The following SLC41A3 variants were observed in gnomAD, a reference collection of about 807,000 sequenced individuals.
SLC41A3 encodes the protein SLC41A1-like 2.
Under a neutral mutation model 45.4 loss-of-function variants are expected in SLC41A3, and 44 were observed. The observed-to-expected ratio is 0.97, with a 90% CI of 0.76 to 1.25. The LOEUF (loss-of-function observed/expected upper bound fraction) is 1.25, where lower values mean the gene tolerates loss of function less well. Ranked by LOEUF, SLC41A3 falls within the 50% of genes most tolerant of loss-of-function variation. The pLI is 0.00. For missense variants in SLC41A3, 550 were observed against 600.6 expected (o/e 0.92, Z 0.88); for synonymous variants, 256 against 252.4 (o/e 1.01, Z -0.13).
At chr3:126,020,389 C>T (rs1940735326) in intron 6 of SLC41A3, among the ~76,000 whole-genome samples, 1 of 152,200 alleles carries the variant, frequency 6.6e-6, no homozygotes. Context: ...TCCCTTTCAG[C>T]CATGCTAATC....
chr3:126,032,441 G>A (rs369543464), intron 4 of SLC41A3, among the ~76,000 whole-genome samples: 5 of 152,212 alleles, frequency 3.3e-5, no homozygotes, highest in African/African-American at 1.2e-4. Context: ...TTACTGGGAA[G>A]GACCATCCAC....
chr3:126,074,206 C>G (rs149219763), intron 1 of SLC41A3, among the ~76,000 whole-genome samples: 1 of 151,748 alleles, frequency 6.6e-6, no homozygotes, highest in South Asian at 2.1e-4. Flanking sequence ...AGGACATTCC[C>G]TTCTATTCCT....
chr3:126,009,027 C>G, intron 9 of SLC41A3, 147 bp from the exon 10 acceptor site: 1 of 923,206 alleles, frequency 1.1e-6, no homozygotes, highest in South Asian at 1.7e-5. Flanking sequence ...CATATTCTGG[C>G]AGATGGGGAT....
At chr3:126,091,113 A>G (rs1465626614) in intron 1 of SLC41A3, among the ~76,000 whole-genome samples, 1 of 152,180 alleles carries the variant, frequency 6.6e-6, no homozygotes, top group Non-Finnish European at 1.5e-5. Context: ...AGAAGTCTAC[A>G]TTTGAACTTG....
intron 3 of SLC41A3, among the ~76,000 whole-genome samples, chr3:126,050,404 C>T (rs533702169): frequency 1.3e-5 from 2 of 152,178 alleles, no homozygotes; most frequent in African/African-American, 2.4e-5. Context: ...CCTGGGATAG[C>T]TGGGAAGGTG....
chr3:126,069,478 C>T (rs558245008), intron 1 of SLC41A3, among the ~76,000 whole-genome samples: 25 of 152,208 alleles, frequency 1.6e-4, no homozygotes, highest in African/African-American at 5.5e-4. Context: ...AAAATCACTA[C>T]GCAAACAACA....
At chr3:126,065,141 G>A (rs1481397003) in intron 2 of SLC41A3, among the ~76,000 whole-genome samples, 1 of 152,182 alleles carries the variant, frequency 6.6e-6, no homozygotes, top group African/African-American at 2.4e-5. Context: ...CTGAAGACAG[G>A]ACTATGCTTA....
At chr3:126,075,522 A>C (rs962763280) in intron 1 of SLC41A3, among the ~76,000 whole-genome samples, 2 of 152,052 alleles carry the variant, frequency 1.3e-5, no homozygotes, top group Non-Finnish European at 2.9e-5. Context: ...CTAAAATGCA[A>C]ATGGAAATGC....
At chr3:126,073,029 C>T (rs191053263) in intron 1 of SLC41A3, 2 of 152,230 alleles carry the variant, frequency 1.3e-5, no homozygotes, top group Admixed American at 6.5e-5. Flanking sequence ...AAACCCAATA[C>T]CATGTTTCAC....
In SLC41A3 at chr3:126,033,606, C is replaced by T. The variant is rs1252950151; in HGVS notation, c.453+1G>A. The T allele has an allele frequency of 6.2e-7, 1 of 1,611,834 alleles. No individual in the cohort carries two copies. Among genetic ancestry groups the T allele is most frequent in the Non-Finnish European group, 8.5e-7 (1 of 1,179,536 alleles). ...GAGGGTCGGACAAGGTGAAGACTCA[C>T]CTGGATGAGGGCCAGGTTGCTGCTG... On this transcript the variant is annotated splice_donor_variant, in intron 4 of 10. Coordinates refer to ENST00000360370, the MANE Select transcript of SLC41A3 (RefSeq NM_017836.4). LOFTEE classifies it high-confidence loss of function.
At chr3:126,068,494 A>T (rs1944464469) in intron 1 of SLC41A3, among the ~76,000 whole-genome samples, 1 of 152,234 alleles carries the variant, frequency 6.6e-6, no homozygotes, top group African/African-American at 2.4e-5. Context: ...TCAGCAAAAA[A>T]GGGCCTCTGA....
intron 1 of SLC41A3, among the ~76,000 whole-genome samples, chr3:126,094,939 A>C (rs1035425245): frequency 1.3e-5 from 2 of 152,252 alleles, no homozygotes; most frequent in African/African-American, 4.8e-5. Context: ...ACAATTGATA[A>C]TAAAAACAAA....
intron 1 of SLC41A3, among the ~76,000 whole-genome samples, chr3:126,080,312 T>C (rs1239828779): frequency 6.6e-6 from 1 of 152,046 alleles, no homozygotes; most frequent in Admixed American, 6.5e-5. Context: ...ACCACTCATC[T>C]CACAAGGGAT....
chr3:126,028,721 G>C (rs1332514988), intron 4 of SLC41A3, among the ~76,000 whole-genome samples: 1 of 152,260 alleles, frequency 6.6e-6, no homozygotes, highest in East Asian at 1.9e-4. Context: ...AAAATCTGCA[G>C]GCACTGAATA....
chr3:126,083,390 C>G (rs954116611), intron 1 of SLC41A3, among the ~76,000 whole-genome samples: 1 of 152,190 alleles, frequency 6.6e-6, no homozygotes, highest in African/African-American at 2.4e-5. Context: ...ATGGAAAAAA[C>G]TGGAAGAAAG....
At chr3:126,043,502 G>A (rs1018511898) in intron 3 of SLC41A3, among the ~76,000 whole-genome samples, 9 of 151,914 alleles carry the variant, frequency 5.9e-5, no homozygotes, top group Non-Finnish European at 1.3e-4. Flanking sequence ...ATTAAAAATT[G>A]TATTATTTTA....
intron 3 of SLC41A3, among the ~76,000 whole-genome samples, chr3:126,043,658 T>C (rs1942741207): frequency 6.6e-6 from 1 of 152,046 alleles, no homozygotes; most frequent in Non-Finnish European, 1.5e-5. Flanking sequence ...GAGTTTTATA[T>C]GCAATTGAAG....
chr3:126,058,283 A>G (rs1037531126), intron 2 of SLC41A3: 1 of 152,068 alleles, frequency 6.6e-6, no homozygotes, highest in Admixed American at 6.6e-5. Flanking sequence ...CATTTGGGGA[A>G]TCTCTTCCTC....
At position 126,026,423 on chromosome 3, in the gene SLC41A3, C is replaced by T; in HGVS notation, c.510G>A (p.Val170=). The change falls in exon 5 of 11, where the codon GTG becomes GTA. Residue 170 remains valine, a synonymous_variant. Coordinates refer to ENST00000360370, the MANE Select transcript of SLC41A3 (RefSeq NM_017836.4). The surrounding 1 kb of genome is among the most constrained non-coding windows in gnomAD (Gnocchi z 4.2). ...LAAVAALLLG[V]VSREEVDVAK... ...CGACATCCACTTCCTCTCGAGACAC[C>T]ACGCCCAACAGCAGCGCAGCCACAG... The T allele has an allele frequency of 6.3e-7, 1 of 1,597,692 alleles. No individual in the cohort carries two copies. The highest frequency in any genetic ancestry group is 1.1e-5 in the South Asian group (1 of 88,216).
Sources: allele counts gnomAD v4.1 joint callset (sites outside exome capture counted in the v4.1 genomes callset), GRCh38; gene constraint gnomAD v4.1.1; non-coding constraint Gnocchi (gnomAD v3.1); transcripts MANE v1.5; gene names NCBI Gene and HGNC (gene_info 2026-07-23, HGNC 2026-07-21).